The following TMEM123 variants were observed in gnomAD, a reference collection of about 807,000 sequenced individuals.
TMEM123 encodes porimin.
TMEM123 carries 16 observed loss-of-function variants against 19.7 expected under a neutral mutation model. The observed-to-expected ratio is 0.81, with a 90% CI of 0.55 to 1.23. TMEM123 has a LOEUF of 1.23. TMEM123 is among the 50% of genes most tolerant of loss of function. The probability of loss-of-function intolerance (pLI) is 0.00; values close to 1 mark genes in which losing one functional copy is unlikely to be tolerated. For missense variants in TMEM123, 313 were observed against 257.8 expected (o/e 1.21, Z -1.47); for synonymous variants, 118 against 99.4 (o/e 1.19, Z -1.12).
intron 2 of TMEM123, among the ~76,000 whole-genome samples, chr11:102,405,418 A>G (rs911388505): frequency 6.6e-6 from 1 of 152,204 alleles, no homozygotes. Flanking sequence ...ATAAATAATA[A>G]ATATCCAAGT....
intron 4 of TMEM123, 151 bp downstream of exon 4, chr11:102,401,388 A>G (rs1474156102): frequency 4.4e-5 from 27 of 616,976 alleles, no homozygotes; most frequent in Non-Finnish European, 6.4e-5. Flanking sequence ...TACATAAACA[A>G]TTTACTTTGG....
intron 2 of TMEM123, among the ~76,000 whole-genome samples, chr11:102,411,721 G>A (rs549513): frequency 0.82 from 124,508 of 152,022 alleles, 51,600 homozygotes; most frequent in East Asian, 0.97. Flanking sequence ...CGGAAGTGCC[G>A]TATGATTATA....
intron 2 of TMEM123, among the ~76,000 whole-genome samples, chr11:102,407,079 T>C (rs1302741322): frequency 2.0e-5 from 3 of 152,026 alleles, no homozygotes; most frequent in African/African-American, 4.8e-5. Flanking sequence ...CTGTGCCAAA[T>C]GAAAACATCC....
chr11:102,424,428 A>G (rs965700082), intron 2 of TMEM123, among the ~76,000 whole-genome samples: 18 of 152,204 alleles, frequency 1.2e-4, no homozygotes, highest in Non-Finnish European at 2.5e-4. Context: ...GCTCACGCCT[A>G]TAATCCCAAC....
chr11:102,421,172 T>G (rs1952083043), intron 2 of TMEM123, among the ~76,000 whole-genome samples: 1 of 152,360 alleles, frequency 6.6e-6, no homozygotes, highest in South Asian at 2.1e-4. Context: ...CCAAATACTC[T>G]TGATATGCCA....
At position 102,401,584 on chromosome 11, in the gene TMEM123, C is replaced by T. The variant is rs1185876240; in HGVS notation, c.557G>A (p.Gly186Glu). 1 of 1,598,956 alleles carries T rather than the reference C, an allele frequency of 6.3e-7. No homozygotes were observed. Residue 186 changes from glycine to glutamate, a missense_variant, in exon 4 of 5, where the codon GGA (glycine) becomes GAA (glutamate). Gly to Glu is a moderately conservative substitution (Grantham distance 98, BLOSUM62 -2). Transcript: ENST00000398136. The part of the protein sequence containing the change: ...TLGVLSILYI[G>E]CKMYYSRRGI... Reference sequence around the variant, plus strand: ...TCTTCTTGAGTAATACATTTTGCATCCAATGTAAAGAATAGATAAAACTCC... The same window carrying T: ...TCTTCTTGAGTAATACATTTTGCATTCAATGTAAAGAATAGATAAAACTCC...
At chr11:102,405,707 G>A (rs1371537392) in intron 2 of TMEM123, among the ~76,000 whole-genome samples, 8 of 151,988 alleles carry the variant, frequency 5.3e-5, no homozygotes, top group Admixed American at 5.2e-4. Context: ...CTGCCCTCTG[G>A]TATAATAAAA....
In TMEM123 at chr11:102,398,811, A is replaced by C. The variant is rs1272077119; in HGVS notation, c.*56T>G. 6.3e-7 allele frequency: 1 copy of C among 1,580,250 alleles called. No homozygotes were observed. The highest frequency in any genetic ancestry group is 1.4e-5 in the African/African-American group (1 of 73,330). On this transcript the variant is annotated 3_prime_UTR_variant, in exon 5 of 5. Coordinates refer to ENST00000398136, the MANE Select transcript of TMEM123 (RefSeq NM_052932.3). ...ATTGTTTTAAACTATTAATAAACCAAAATTAATTGATAGGGCAGCATCAAT... is the reference window on the plus strand; with the variant it reads ...ATTGTTTTAAACTATTAATAAACCACAATTAATTGATAGGGCAGCATCAAT...
At chr11:102,417,510 T>C (rs1377017838) in intron 2 of TMEM123, among the ~76,000 whole-genome samples, 2 of 152,090 alleles carry the variant, frequency 1.3e-5, no homozygotes, top group Non-Finnish European at 2.9e-5. Flanking sequence ...AAATCAGATA[T>C]AACACAAATA....
At chr11:102,409,468 C>T (rs999881539) in intron 2 of TMEM123, among the ~76,000 whole-genome samples, 3 of 151,714 alleles carry the variant, frequency 2.0e-5, no homozygotes, top group African/African-American at 4.8e-5. Flanking sequence ...CCTCATTGCA[C>T]GGAGTCAACA....
rs1951914625 is a variant in TMEM123, at chr11:102,401,690, T to C, written c.451A>G (p.Thr151Ala). 6 of 1,576,748 alleles carry C rather than the reference T, an allele frequency of 3.8e-6. No homozygotes were observed. The highest frequency in any genetic ancestry group is 5.1e-6 in the Non-Finnish European group (6 of 1,170,852). Residue 151 changes from threonine (T) to alanine (A), a missense_variant and splice_region_variant, in exon 4 of 5, where the codon ACA (threonine) becomes GCA (alanine). Physicochemically the swap from Thr to Ala is moderately conservative, Grantham distance 58 (BLOSUM62 0). Coordinates refer to ENST00000398136, the MANE Select transcript of TMEM123 (RefSeq NM_052932.3). ...TTTGCTTCAGAATGCATAGTTGTTG[T>C]GACTAGAACAAAAGAAAACAAAAAA... ...VTSAASSVTI[T>A]TTMHSEAKKG...
chr11:102,401,705 A>C lies in TMEM123; in HGVS notation c.449-13T>G, dbSNP rs773780896. The C allele has an allele frequency of 6.4e-7, 1 of 1,569,568 alleles. No homozygotes were observed. Among genetic ancestry groups the C allele is most frequent in the South Asian group, 1.2e-5 (1 of 83,174 alleles). ...ATAGTTGTTGTGACTAGAACAAAAG[A>C]AAACAAAAAAGGGCTTTAGCGTTAT... On this transcript the variant is annotated splice_polypyrimidine_tract_variant and intron_variant, in intron 3 of 4. Coordinates refer to ENST00000398136, the MANE Select transcript of TMEM123 (RefSeq NM_052932.3).
At chr11:102,401,080 A>C (rs1951908453) in intron 4 of TMEM123, among the ~76,000 whole-genome samples, 1 of 152,056 alleles carries the variant, frequency 6.6e-6, no homozygotes, top group African/African-American at 2.4e-5. Context: ...TATACTAACC[A>C]CTCATTTAAA....
In TMEM123 at chr11:102,397,185, A is replaced by AT. The variant is rs1173143004; in HGVS notation, c.*1681dup. On this transcript the variant is annotated 3_prime_UTR_variant, in exon 5 of 5. Coordinates refer to ENST00000398136, the MANE Select transcript of TMEM123 (RefSeq NM_052932.3). ...TCCAATCATATCCATATTTTGGATC[A>AT]TTTTTTTCTATATTCATCAGATTAT... 6.6e-6 allele frequency: 1 copy of AT among 152,088 alleles called. No homozygotes were observed. The highest frequency in any genetic ancestry group is 2.4e-5 in the African/African-American group (1 of 41,430). The allele number at this position is 152,088 out of a possible 1,614,324, so 9.4% of individuals were successfully genotyped here.
intron 2 of TMEM123, among the ~76,000 whole-genome samples, chr11:102,417,644 T>A (rs1013469324): frequency 2.0e-5 from 3 of 152,122 alleles, no homozygotes; most frequent in Non-Finnish European, 2.9e-5. Flanking sequence ...AAAGCTCTTC[T>A]AAAATTCATA....
intron 2 of TMEM123, among the ~76,000 whole-genome samples, chr11:102,426,030 T>A (rs1336121678): frequency 1.3e-5 from 2 of 152,244 alleles, no homozygotes; most frequent in Non-Finnish European, 2.9e-5. Flanking sequence ...CATGGTGATA[T>A]TTATGTCATG....
intron 2 of TMEM123, among the ~76,000 whole-genome samples, chr11:102,433,071 G>A (rs890109663): frequency 3.3e-5 from 5 of 152,036 alleles, no homozygotes; most frequent in African/African-American, 9.7e-5. Flanking sequence ...GGGCAGTGCA[G>A]AAGGGAAATG....
chr11:102,422,413 G>A (rs752394876), intron 2 of TMEM123, among the ~76,000 whole-genome samples: 2 of 152,150 alleles, frequency 1.3e-5, no homozygotes, highest in Admixed American at 1.3e-4. Flanking sequence ...GGGGGAGGTT[G>A]CAGTGAGCCG....
chr11:102,398,950 T>C (rs1043838446), intron 4 of TMEM123, 59 bp from the exon 5 acceptor site: 3 of 1,429,462 alleles, frequency 2.1e-6, no homozygotes, highest in Middle Eastern at 1.8e-4. Context: ...AAACTACTTA[T>C]GTTCCTATTT....
Sources: allele counts gnomAD v4.1 joint callset (sites outside exome capture counted in the v4.1 genomes callset), GRCh38; gene constraint gnomAD v4.1.1; transcripts MANE v1.5; gene names NCBI Gene and HGNC (gene_info 2026-07-23, HGNC 2026-07-21).